Variants in EPB41L2 observed in about 807,000 individuals in gnomAD.
EPB41L2 encodes the protein erythrocyte membrane protein band 4.1 like 2.
A neutral mutation model predicts 113.0 loss-of-function variants in EPB41L2; 43 were observed. The observed-to-expected ratio is 0.38, with a 90% CI of 0.30 to 0.49. The LOEUF is 0.49. EPB41L2 is among the 20% of genes least tolerant of loss of function. The probability of loss-of-function intolerance (pLI) is 0.95; values close to 1 mark genes in which losing one functional copy is unlikely to be tolerated. For missense variants in EPB41L2, 1,147 were observed against 1,223.4 expected, an observed-to-expected ratio of 0.94 and a Z score of 0.93; for synonymous variants, 442 against 436.7, an observed-to-expected ratio of 1.01 and a Z score of -0.15.
rs73617136 is a variant in EPB41L2 at position 130,916,812 on chromosome 6, G to A, written c.811-7949C>T. ...TTCTTCATTTCTAAGAAGCTTCTGC[G>A]TGGAGCCAACGCTGCTGGTCCTTGG... On this transcript the variant is annotated intron_variant, in intron 4 of 19. Coordinates refer to ENST00000337057, the MANE Select transcript of EPB41L2 (RefSeq NM_001431.4). Among the ~76,000 whole-genome samples the A allele has an allele frequency of 8.4e-3, 1,285 of 152,284 alleles. 28 individuals carry two copies. The highest frequency in any genetic ancestry group is 0.03 in the African/African-American group (1,233 of 41,552).
intron 1 of EPB41L2, among the ~76,000 whole-genome samples, chr6:130,963,104 ACCAGCT>A (rs1447336977): frequency 7.3e-6 from 1 of 136,816 alleles, no homozygotes; most frequent in Non-Finnish European, 1.7e-5. Flanking sequence ...AGAGAAGAGG[ACCAGCT>A]CCTTGATCGC....
chr6:130,876,208 G>A (rs1787514513), intron 14 of EPB41L2, among the ~76,000 whole-genome samples: 1 of 152,170 alleles, frequency 6.6e-6, no homozygotes, highest in Non-Finnish European at 1.5e-5. Context: ...AGAGAGAGGT[G>A]AGGGGCTGCT....
At chr6:130,908,728 A>G (rs1583323628) in intron 5 of EPB41L2, 93 bp downstream of exon 5, 3 of 972,304 alleles carry the variant, frequency 3.1e-6, no homozygotes, top group Middle Eastern at 6.2e-4. Flanking sequence ...GCATAAATGC[A>G]AAATAGAACT....
rs2128570411 is a variant in EPB41L2, at chr6:130,934,581, T to C, written c.706-7872A>G. ...TCAAACTTCTAGGCTCAAACGATCTTCCTGCCTCAGCCTCCTGAGTATCTG... is the reference window on the plus strand; with the variant it reads ...TCAAACTTCTAGGCTCAAACGATCTCCCTGCCTCAGCCTCCTGAGTATCTG... On this transcript the variant is annotated intron_variant, in intron 3 of 19. Coordinates refer to ENST00000337057, the MANE Select transcript of EPB41L2 (RefSeq NM_001431.4). Among the ~76,000 whole-genome samples the C allele has an allele frequency of 2.0e-5, 3 of 152,182 alleles. 1 individual carries two copies. The Middle Eastern group carries it at 0.01, about 521-fold the overall frequency.
chr6:130,944,663 T>C (rs1397913339), intron 3 of EPB41L2, among the ~76,000 whole-genome samples: 1 of 152,036 alleles, frequency 6.6e-6, no homozygotes, highest in African/African-American at 2.4e-5. Flanking sequence ...GAAAGCAAAA[T>C]GTGGAGTTGG....
At position 130,959,547 on chromosome 6, in the gene EPB41L2, G is replaced by A. The variant is rs80099927; in HGVS notation, c.-14-3048C>T. Among the ~76,000 whole-genome samples the A allele has an allele frequency of 0.011, 1,737 of 152,254 alleles. 187 individuals carry two copies. The East Asian group carries it at 0.26, about 23-fold the overall frequency. ...CAGCAATGCTACGTAAGAGGGAATA[G>A]TTAACTATTATACCCACATATTCTT... On this transcript the variant is annotated intron_variant, in intron 1 of 19. Transcript: ENST00000337057.
At chr6:130,944,520 AAG>A (rs1182950242) in intron 3 of EPB41L2, among the ~76,000 whole-genome samples, 1 of 152,216 alleles carries the variant, frequency 6.6e-6, no homozygotes, top group Non-Finnish European at 1.5e-5. Context: ...ACAGCAATAC[AAG>A]AGAGTCTTTC....
intron 1 of EPB41L2, among the ~76,000 whole-genome samples, chr6:131,018,151 C>T (rs1322536076): frequency 6.6e-6 from 1 of 152,146 alleles, no homozygotes; most frequent in African/African-American, 2.4e-5. Context: ...TGTACACAGT[C>T]AAGGATGTCA....
chr6:131,043,613 A>C (rs1247824378), intron 1 of EPB41L2, among the ~76,000 whole-genome samples: 1 of 152,184 alleles, frequency 6.6e-6, no homozygotes, highest in Non-Finnish European at 1.5e-5. Context: ...CAGAACCAAT[A>C]GATTAAAGAG....
At position 130,869,818 on chromosome 6, in the gene EPB41L2, T is replaced by C; in HGVS notation, c.2352A>G (p.Ala784=). 1 of 1,614,014 alleles carries C rather than the reference T, an allele frequency of 6.2e-7. No individual in the cohort carries two copies. Among genetic ancestry groups the C allele is most frequent in the Non-Finnish European group, 8.5e-7 (1 of 1,180,008 alleles). The change falls in exon 15 of 20, where the codon GCA becomes GCG. Residue 784 remains alanine (A), a synonymous_variant. Coordinates refer to ENST00000337057, the MANE Select transcript of EPB41L2 (RefSeq NM_001431.4). ...CTTCCTCCCTCTCTACTACCTTGGC[T>C]GCCGGGCGGGGTTCTTCCTCCACCT... ...EEEVEEEPRP[A]AKVVEREEAV...
intron 11 of EPB41L2, among the ~76,000 whole-genome samples, chr6:130,887,649 G>A (rs1018058796): frequency 1.3e-4 from 20 of 152,072 alleles, no homozygotes; most frequent in Non-Finnish European, 2.4e-4. Context: ...CATCGTTGCC[G>A]CCTCTGCTAC....
intron 10 of EPB41L2, among the ~76,000 whole-genome samples, chr6:130,891,535 G>A (rs1426444411): frequency 1.3e-5 from 2 of 152,008 alleles, no homozygotes; most frequent in African/African-American, 2.4e-5. Flanking sequence ...TGCAACCTCC[G>A]CCTCCCGGGT....
At position 130,890,316 on chromosome 6, in the gene EPB41L2, C is replaced by T; in HGVS notation, c.1638G>A (p.Arg546=). Reference sequence around the variant, plus strand: ...TACCTCCATCTAGACTCCTGGAGACCCGTTTACTAGAAGTGCGCTCAAAGT... The same window carrying T: ...TACCTCCATCTAGACTCCTGGAGACTCGTTTACTAGAAGTGCGCTCAAAGT... ...APHFERTSSK[R]VSRSLDGAPI... The change falls in exon 11 of 20, where the codon CGG becomes CGA. Residue 546 remains arginine (R), a synonymous_variant. Transcript: ENST00000337057. The T allele has an allele frequency of 1.2e-6, 2 of 1,610,388 alleles. No individual in the cohort carries two copies. Among genetic ancestry groups the T allele is most frequent in the Non-Finnish European group, 1.7e-6 (2 of 1,178,500 alleles).
chr6:131,057,504 G>A (rs1417129664), intron 1 of EPB41L2, among the ~76,000 whole-genome samples: 2 of 152,306 alleles, frequency 1.3e-5, no homozygotes, highest in Non-Finnish European at 2.9e-5. Flanking sequence ...ACTGGGATAT[G>A]TACATATATC....
At chr6:131,018,315 T>C (rs1196531184) in intron 1 of EPB41L2, among the ~76,000 whole-genome samples, 1 of 152,090 alleles carries the variant, frequency 6.6e-6, no homozygotes, top group Non-Finnish European at 1.5e-5. Context: ...GGAGTAAAAC[T>C]TTCTCAGAAA....
intron 5 of EPB41L2, among the ~76,000 whole-genome samples, chr6:130,907,900 T>C (rs1011223918): frequency 5.9e-5 from 9 of 152,150 alleles, no homozygotes; most frequent in African/African-American, 2.2e-4. Flanking sequence ...TGCTGGCACC[T>C]GGAGAAGAGG....
intron 1 of EPB41L2, among the ~76,000 whole-genome samples, chr6:131,002,437 GA>G (rs1784553641): frequency 1.3e-5 from 2 of 152,182 alleles, no homozygotes; most frequent in African/African-American, 4.8e-5. Context: ...CAACCTCATG[GA>G]AAGTTAACAT....
intron 10 of EPB41L2, 112 bp downstream of exon 10, chr6:130,894,232 C>A: frequency 1.3e-6 from 1 of 779,898 alleles, no homozygotes; most frequent in Non-Finnish European, 2.2e-6. Context: ...GTTCCCCAGG[C>A]TGGTCTCAAA....
At chr6:131,051,883 T>C (rs1485960952) in intron 1 of EPB41L2, among the ~76,000 whole-genome samples, 1 of 152,014 alleles carries the variant, frequency 6.6e-6, no homozygotes, top group Non-Finnish European at 1.5e-5. Context: ...TTTGGGCAAA[T>C]ACTAGAAGTC....
Sources: allele counts gnomAD v4.1 joint callset (sites outside exome capture counted in the v4.1 genomes callset), GRCh38; gene constraint gnomAD v4.1.1; transcripts MANE v1.5; gene names NCBI Gene and HGNC (gene_info 2026-07-23, HGNC 2026-07-21).